GLIPR2: variants seen among roughly 807,000 people sequenced by gnomAD.
GLIPR2 encodes the protein Golgi-associated plant pathogenesis-related protein 1.
Under a neutral mutation model 20.4 loss-of-function variants are expected in GLIPR2, and 21 were observed. The ratio of observed to expected loss-of-function variants is 1.03; its 90% confidence interval spans 0.73 to 1.48. GLIPR2 has a LOEUF of 1.48. Among genes scored for constraint, GLIPR2 ranks in the 40% most tolerant of loss-of-function variants. The probability of loss-of-function intolerance (pLI) is 0.00; values close to 1 mark genes in which losing one functional copy is unlikely to be tolerated. For synonymous variants in GLIPR2, 91 were observed against 80.5 expected (o/e 1.13, Z -0.70); for missense variants, 205 against 200.1 (o/e 1.02, Z -0.15).
intron 4 of GLIPR2, among the ~76,000 whole-genome samples, chr9:36,160,146 C>T (rs1825994087): frequency 1.3e-5 from 2 of 152,130 alleles, no homozygotes; most frequent in South Asian, 4.2e-4. Flanking sequence ...CCTCAGCCTT[C>T]CCGATTAGCT....
intron 1 of GLIPR2, 60 bp from the exon 2 acceptor site, chr9:36,147,726 T>TATA (rs1825390241): frequency 3.6e-6 from 3 of 827,318 alleles, no homozygotes; most frequent in Non-Finnish European, 6.5e-6. Flanking sequence ...AGCATGCCAT[T>TATA]ATACTTTTGA....
intron 4 of GLIPR2, among the ~76,000 whole-genome samples, chr9:36,155,708 C>G (rs942113980): frequency 1.3e-5 from 2 of 152,206 alleles, no homozygotes; most frequent in Non-Finnish European, 2.9e-5. Context: ...CCGACTTTGT[C>G]TCTTCCCTAA....
intron 4 of GLIPR2, among the ~76,000 whole-genome samples, chr9:36,151,246 C>T (rs1471954184): frequency 6.6e-6 from 1 of 152,110 alleles, no homozygotes; most frequent in Non-Finnish European, 1.5e-5. Context: ...ACTGGATTTC[C>T]AAAGCTGCAT....
chr9:36,150,739 T>C lies in GLIPR2; in HGVS notation c.227-133T>C, dbSNP rs79178772. The C allele has an allele frequency of 0.012, 7,764 of 656,844 alleles. 427 individuals carry two copies. In the African/African-American group the frequency reaches 0.12, roughly 10 times the overall value. The allele number at this position is 656,844 out of a possible 1,614,324, so 40.7% of individuals were successfully genotyped here. ...AGTCTGCAAAGCAGCGTCCAGGATG[T>C]GTCAGCTGACTGGGGCTTTCTCAGA... On this transcript the variant is annotated intron_variant, in intron 3 of 4. Transcript: ENST00000377960.
Position 36,148,568 on chromosome 9 carries a change from C to T in GLIPR2, c.144C>T (p.Ser48=). 6.2e-7 allele frequency: 1 copy of T among 1,613,916 alleles called. No homozygotes were observed. Among genetic ancestry groups the T allele is most frequent in the African/African-American group, 1.3e-5 (1 of 75,070 alleles). ...EAQQYSEALA[S]TRILKHSPES... is the part of the protein sequence containing the mutation. Reference sequence around the variant, plus strand: ...GCAGGTATTCTGAGGCCCTGGCCAGCACGAGGATCCTCAAGCACAGCCCGG... The same window carrying T: ...GCAGGTATTCTGAGGCCCTGGCCAGTACGAGGATCCTCAAGCACAGCCCGG... The change falls in exon 3 of 5, where the codon AGC becomes AGT. Residue 48 remains serine, a synonymous_variant. Transcript: ENST00000377960.
intron 4 of GLIPR2, among the ~76,000 whole-genome samples, chr9:36,155,941 A>ATG (rs1825810390): frequency 6.6e-6 from 1 of 151,690 alleles, no homozygotes; most frequent in African/African-American, 2.4e-5. Context: ...TGGGCACGGC[A>ATG]GCTCACACCT....
chr9:36,140,676 T>C (rs1305688770), intron 1 of GLIPR2, among the ~76,000 whole-genome samples: 1 of 152,150 alleles, frequency 6.6e-6, no homozygotes, highest in Admixed American at 6.5e-5. Context: ...ATAGACATCA[T>C]TCTTGCCATT....
intron 1 of GLIPR2, among the ~76,000 whole-genome samples, chr9:36,139,072 G>A (rs1824955869): frequency 6.6e-6 from 1 of 152,116 alleles, no homozygotes; most frequent in African/African-American, 2.4e-5. Flanking sequence ...GCAGGGTGGA[G>A]GCTGGAGAGG....
chr9:36,156,684 C>G (rs1825847934), intron 4 of GLIPR2, among the ~76,000 whole-genome samples: 1 of 152,176 alleles, frequency 6.6e-6, no homozygotes, highest in African/African-American at 2.4e-5. Flanking sequence ...ACTGCCTGAG[C>G]TCCGCCTCCT....
In GLIPR2 at chr9:36,162,408, G is replaced by T. The variant is rs1399288980; in HGVS notation, c.351G>T (p.Val117=). ...MVWKNTKKMG[V]GKASASDGSS... ...GGAAGAACACCAAGAAGATGGGCGTGGGGAAGGCGTCCGCAAGTGACGGGT... is the reference window on the plus strand; with the variant it reads ...GGAAGAACACCAAGAAGATGGGCGTTGGGAAGGCGTCCGCAAGTGACGGGT... The change falls in exon 5 of 5, where the codon GTG becomes GTT. Residue 117 remains valine (V), a synonymous_variant. Coordinates refer to ENST00000377960, the MANE Select transcript of GLIPR2 (RefSeq NM_022343.4). 6.2e-7 allele frequency: 1 copy of T among 1,614,088 alleles called. No homozygotes were observed.
At position 36,136,747 on chromosome 9, in the gene GLIPR2, C is replaced by A. The variant is rs956289286; in HGVS notation, c.-32C>A. The A allele has an allele frequency of 4.7e-6, 6 of 1,277,038 alleles. No individual in the cohort carries two copies. In the African/African-American group the frequency reaches 9.3e-5, roughly 20 times the overall value. The allele number at this position is 1,277,038 out of a possible 1,614,324, so 79.1% of individuals were successfully genotyped here. A position where few individuals can be genotyped will look rare whatever the true frequency, so the allele number is the denominator to read the frequency against. On this transcript the variant is annotated 5_prime_UTR_variant, in exon 1 of 5. Transcript: ENST00000377960. The surrounding 1 kb of genome is among the most constrained non-coding windows in gnomAD (Gnocchi z 4.3). ...GCCGGGCGAGCGCAGTGCAGCGCAG[C>A]CGCGGGGAGCGAGGAGCGCGCGGAG... is the stretch of plus-strand genomic sequence containing the variant.
intron 1 of GLIPR2, among the ~76,000 whole-genome samples, chr9:36,141,650 A>T (rs571335995): frequency 1.3e-5 from 2 of 152,096 alleles, no homozygotes; most frequent in Non-Finnish European, 2.9e-5. Flanking sequence ...CCTCCTCAGA[A>T]TCTTTTTTTT....
chr9:36,138,960 C>T lies in GLIPR2; in HGVS notation c.13+2169C>T, dbSNP rs193149970. Among the ~76,000 whole-genome samples, 608 of 152,136 alleles carry T rather than the reference C, an allele frequency of 4.0e-3. 4 individuals are homozygous for T. The highest frequency in any genetic ancestry group is 0.014 in the African/African-American group (592 of 41,486). ...TGATCTGAAAGCAGCGTAACTAGAGCGTTGCCAGGGTGTAGGGTAGATCGG... is the reference window on the plus strand; with the variant it reads ...TGATCTGAAAGCAGCGTAACTAGAGTGTTGCCAGGGTGTAGGGTAGATCGG... On this transcript the variant is annotated intron_variant, in intron 1 of 4. Coordinates refer to ENST00000377960, the MANE Select transcript of GLIPR2 (RefSeq NM_022343.4).
intron 4 of GLIPR2, among the ~76,000 whole-genome samples, chr9:36,152,230 T>G (rs535532639): frequency 1.3e-5 from 2 of 152,240 alleles, no homozygotes; most frequent in African/African-American, 4.8e-5. Flanking sequence ...CAAGGATACC[T>G]AAGGGTGTGG....
intron 1 of GLIPR2, chr9:36,146,264 C>G (rs972110972): frequency 6.6e-6 from 1 of 152,192 alleles, no homozygotes; most frequent in Non-Finnish European, 1.5e-5. Context: ...ATACTTTTAC[C>G]AGGAGCCCAG....
chr9:36,142,444 C>T (rs1825130279), intron 1 of GLIPR2, among the ~76,000 whole-genome samples: 2 of 152,168 alleles, frequency 1.3e-5, no homozygotes, highest in South Asian at 4.1e-4. Context: ...TGGGTAAGGT[C>T]ATGGCAGCTC....
intron 4 of GLIPR2, among the ~76,000 whole-genome samples, chr9:36,156,253 G>A (rs988036896): frequency 6.6e-6 from 1 of 151,742 alleles, no homozygotes; most frequent in Non-Finnish European, 1.5e-5. Flanking sequence ...GCTGGGTGTA[G>A]TGGCACGTGC....
Position 36,147,897 on chromosome 9 carries a change from G to T in GLIPR2, c.122+3G>T. 7.5e-7 allele frequency: 1 copy of T among 1,340,242 alleles called. No individual in the cohort carries two copies. Among genetic ancestry groups the T allele is most frequent in the South Asian group, 1.2e-5 (1 of 85,554 alleles). The allele number at this position is 1,340,242 out of a possible 1,614,324, so 83.0% of individuals were successfully genotyped here. The stretch of plus-strand genomic sequence containing the variant: ...AACCTCAACCGGGAGGCTCAACAGT[G>T]AGTCCCCTAGCACATCCGGGTAACT... On this transcript the variant is annotated splice_donor_region_variant and intron_variant, in intron 2 of 4. Transcript: ENST00000377960.
At chr9:36,160,214 G>C (rs1034664530) in intron 4 of GLIPR2, among the ~76,000 whole-genome samples, 26 of 152,084 alleles carry the variant, frequency 1.7e-4, no homozygotes, top group African/African-American at 5.8e-4. Context: ...GTAGAGATGG[G>C]GTTTCTCCAT....
Sources: allele counts gnomAD v4.1 joint callset (sites outside exome capture counted in the v4.1 genomes callset), GRCh38; gene constraint gnomAD v4.1.1; non-coding constraint Gnocchi (gnomAD v3.1); transcripts MANE v1.5; gene names NCBI Gene and HGNC (gene_info 2026-07-23, HGNC 2026-07-21).